Variants in LTBP1 observed in about 807,000 individuals in gnomAD.
LTBP1 encodes latent-transforming growth factor beta-binding protein 1.
Under a neutral mutation model 207.6 loss-of-function variants are expected in LTBP1, and 129 were observed. The observed-to-expected ratio is 0.62, with a 90% CI of 0.54 to 0.72. The LOEUF is 0.72. Ranked by LOEUF, LTBP1 falls within the 30% of genes least tolerant of loss-of-function variation. The probability of loss-of-function intolerance (pLI) is 0.00; values close to 1 mark genes in which losing one functional copy is unlikely to be tolerated. For synonymous variants in LTBP1, 963 were observed against 833.7 expected (o/e 1.16, Z -2.67); for missense variants, 2,281 against 2,217.2 (o/e 1.03, Z -0.58).
chr2:32,981,131 A>C (rs922870960), intron 2 of LTBP1, among the ~76,000 whole-genome samples: 9 of 152,064 alleles, frequency 5.9e-5, no homozygotes, highest in Admixed American at 3.3e-4. Context: ...AGGTTTGGGA[A>C]ATTTCTCTGT....
intron 5 of LTBP1, among the ~76,000 whole-genome samples, chr2:33,137,037 C>T (rs1486902199): frequency 1.2e-4 from 19 of 152,152 alleles, no homozygotes; most frequent in East Asian, 1.9e-4. Context: ...TCCTGTTTAA[C>T]GTTTTATTTC....
At chr2:33,304,174 T>C (rs767929863) in intron 22 of LTBP1, among the ~76,000 whole-genome samples, 6 of 152,216 alleles carry the variant, frequency 3.9e-5, no homozygotes, top group Non-Finnish European at 7.3e-5. Flanking sequence ...TTGGAATATA[T>C]AATCAGGCCC....
chr2:33,342,789 T>C lies in LTBP1; in HGVS notation c.3731-49T>C, dbSNP rs777207054. ...TGTTTATCCATTAATATCTGGTGTT[T>C]GTCAGCCTGTGTTTGTTTTGTGTCT... On this transcript the variant is annotated intron_variant, in intron 24 of 33. Coordinates refer to ENST00000404816, the MANE Select transcript of LTBP1 (RefSeq NM_206943.4). 3.8e-6 allele frequency: 6 copies of C among 1,597,802 alleles called. No homozygotes were observed. The South Asian group carries it at 6.8e-5, about 18-fold the overall frequency.
intron 2 of LTBP1, among the ~76,000 whole-genome samples, chr2:32,962,612 T>A (rs746743612): frequency 2.6e-5 from 4 of 152,248 alleles, no homozygotes; most frequent in Non-Finnish European, 4.4e-5. Flanking sequence ...ATTAAATGGT[T>A]CTTTTTGTTT....
At chr2:33,148,122 A>G (rs2083202129) in intron 5 of LTBP1, among the ~76,000 whole-genome samples, 1 of 152,200 alleles carries the variant, frequency 6.6e-6, no homozygotes, top group Non-Finnish European at 1.5e-5. Flanking sequence ...TTGGTTTACT[A>G]GTAATAGGAC....
intron 3 of LTBP1, among the ~76,000 whole-genome samples, chr2:33,046,553 A>C (rs566335213): frequency 4.9e-4 from 75 of 152,336 alleles, no homozygotes; most frequent in Admixed American, 1.8e-3. Context: ...GATGTTCATC[A>C]GGGATATTGG....
chr2:33,382,992 C>G lies in LTBP1; in HGVS notation c.4712-6192C>G, dbSNP rs557857169. On this transcript the variant is annotated intron_variant, in intron 31 of 33. Transcript: ENST00000404816. ...TCTCTTCCACCTTTCTTTACTGGTA[C>G]AGAGTGGAATGTTCTGTAAATGGCC... Among the ~76,000 whole-genome samples the G allele has an allele frequency of 2.6e-5, 4 of 152,314 alleles. No individual in the cohort carries two copies. In the East Asian group the frequency reaches 7.7e-4, roughly 29 times the overall value.
chr2:33,110,891 A>G, intron 4 of LTBP1, 140 bp downstream of exon 4: 1 of 767,086 alleles, frequency 1.3e-6, no homozygotes, highest in Non-Finnish European at 1.9e-6. Context: ...TTCCTGAAGC[A>G]ACCAGACAGC....
chr2:33,022,265 C>CTTTT lies in LTBP1; in HGVS notation c.863+1072_863+1075dup, dbSNP rs3047211. 9.7e-4 allele frequency among the ~76,000 whole-genome samples: 121 copies of CTTTT among 125,206 alleles called. 3 individuals are homozygous for CTTTT. Among genetic ancestry groups the CTTTT allele is most frequent in the Middle Eastern group, 4.4e-3 (1 of 226 alleles). 82.1% of individuals were successfully genotyped at this position (125,206 alleles called of 152,430 possible). A position where few individuals can be genotyped will look rare whatever the true frequency, so the allele number is the denominator to read the frequency against. ...TTTCTCCTATTCCCTCCTCAATCCT[C>CTTTT]TTTTTTTTTTTTTTTTCTGTTTTTC... On this transcript the variant is annotated intron_variant, in intron 3 of 33. Coordinates refer to ENST00000404816, the MANE Select transcript of LTBP1 (RefSeq NM_206943.4).
chr2:32,966,801 A>G (rs1044484027), intron 2 of LTBP1, among the ~76,000 whole-genome samples: 3 of 152,046 alleles, frequency 2.0e-5, no homozygotes, highest in Non-Finnish European at 2.9e-5. Flanking sequence ...GGATTTTTGT[A>G]TCTGTGTTCA....
chr2:32,955,194 A>G (rs1183706094), intron 2 of LTBP1, among the ~76,000 whole-genome samples: 1 of 152,220 alleles, frequency 6.6e-6, no homozygotes, highest in Non-Finnish European at 1.5e-5. Context: ...GTGGGAATTT[A>G]AAGGCCAACC....
intron 15 of LTBP1, among the ~76,000 whole-genome samples, chr2:33,270,506 C>T (rs1193230865): frequency 1.4e-5 from 2 of 145,090 alleles, no homozygotes; most frequent in African/African-American, 5.1e-5. Context: ...AGGAGAATGG[C>T]GTGAACCCGG....
chr2:33,296,808 G>A (rs952377511), intron 20 of LTBP1, among the ~76,000 whole-genome samples: 2 of 151,948 alleles, frequency 1.3e-5, no homozygotes, highest in African/African-American at 4.8e-5. Context: ...GATAAGTTAC[G>A]GTATCTTACT....
Position 33,087,084 on chromosome 2 carries a change from C to CTTTTTTTTTTTTTTTTTTTTTTT in LTBP1, c.864-23496_864-23474dup, listed in dbSNP as rs35334788. Among the ~76,000 whole-genome samples the CTTTTTTTTTTTTTTTTTTTTTTT allele has an allele frequency of 1.0e-4, 9 of 89,024 alleles. 2 individuals carry two copies. The highest frequency in any genetic ancestry group is 1.9e-4 in the Non-Finnish European group (9 of 48,368). 58.4% of individuals were successfully genotyped at this position (89,024 alleles called of 152,430 possible). ...AGCACCAGGCTGTCCCTCCTTTATG[C>CTTTTTTTTTTTTTTTTTTTTTTT]TTTTTTTTTTTTTTTTTTTTTTTTG... On this transcript the variant is annotated intron_variant, in intron 3 of 33. Coordinates refer to ENST00000404816, the MANE Select transcript of LTBP1 (RefSeq NM_206943.4).
chr2:33,342,987 A>G (rs775383558), intron 25 of LTBP1, 24 bp downstream of exon 25: 1 of 1,603,730 alleles, frequency 6.2e-7, no homozygotes, highest in East Asian at 2.2e-5. Flanking sequence ...TTTTTTCCCA[A>G]CGTGTTTCAC....
chr2:33,060,588 T>TA (rs1453371202), intron 3 of LTBP1, among the ~76,000 whole-genome samples: 1 of 150,300 alleles, frequency 6.7e-6, no homozygotes, highest in Non-Finnish European at 1.5e-5. Flanking sequence ...GTAGGTGAGA[T>TA]ATGGAGGGAG....
At chr2:33,315,375 G>A in intron 24 of LTBP1, 106 bp downstream of exon 24, 1 of 1,398,418 alleles carries the variant, frequency 7.2e-7, no homozygotes, top group East Asian at 2.3e-5. Flanking sequence ...GCATAATTCA[G>A]AGCCTCAAAG....
At chr2:33,003,954 A>G (rs1686409429) in intron 2 of LTBP1, among the ~76,000 whole-genome samples, 1 of 152,242 alleles carries the variant, frequency 6.6e-6, no homozygotes, top group Non-Finnish European at 1.5e-5. Context: ...CACCATTGTT[A>G]CTGATACCTG....
At chr2:33,389,732 C>T (rs576802247) in intron 32 of LTBP1, among the ~76,000 whole-genome samples, 2 of 152,232 alleles carry the variant, frequency 1.3e-5, no homozygotes, top group Non-Finnish European at 2.9e-5. Context: ...CTCCACCTCC[C>T]GGATTCAAGC....
Sources: gnomAD v4.1 joint callset for allele counts (sites outside exome capture counted in the v4.1 genomes callset) on GRCh38, gnomAD v4.1.1 for gene constraint, MANE v1.5 for transcripts, NCBI Gene and HGNC (gene_info 2026-07-23, HGNC 2026-07-21) for gene names.